PIBF1: variants seen among roughly 807,000 people sequenced by gnomAD.
The protein encoded by PIBF1 is progesterone-induced-blocking factor 1.
A neutral mutation model predicts 112.5 loss-of-function variants in PIBF1; 90 were observed. That is an observed-to-expected ratio of 0.80 (90% CI 0.67 to 0.95). The LOEUF is 0.95. Ranked by LOEUF, PIBF1 falls within the 40% of genes least tolerant of loss-of-function variation. The pLI, the probability that PIBF1 is intolerant of heterozygous loss-of-function variation, is 0.00. For synonymous variants in PIBF1, 301 were observed against 288.6 expected (o/e 1.04, Z -0.44); for missense variants, 915 against 852.3 (o/e 1.07, Z -0.92).
intron 14 of PIBF1, among the ~76,000 whole-genome samples, chr13:72,948,699 C>T (rs995577852): frequency 6.6e-6 from 1 of 152,214 alleles, no homozygotes; most frequent in African/African-American, 2.4e-5. Flanking sequence ...AATTGATTCA[C>T]AGATCCACAG....
intron 8 of PIBF1, among the ~76,000 whole-genome samples, chr13:72,828,772 G>A (rs2036954556): frequency 6.6e-6 from 1 of 152,196 alleles, no homozygotes; most frequent in African/African-American, 2.4e-5. Flanking sequence ...ATGTTAGAAT[G>A]ATTTATAATC....
chr13:72,867,779 G>A (rs9543150), intron 10 of PIBF1, among the ~76,000 whole-genome samples: 27,213 of 152,042 alleles, frequency 0.18, 3,138 homozygotes, highest in Non-Finnish European at 0.24. Context: ...GGAAAGTGTC[G>A]GTATTTTTTG....
At chr13:72,804,300 A>G (rs986230119) in intron 5 of PIBF1, among the ~76,000 whole-genome samples, 1 of 152,182 alleles carries the variant, frequency 6.6e-6, no homozygotes, top group Non-Finnish European at 1.5e-5. Context: ...ATTTATGTAT[A>G]ATTTATATGT....
intron 5 of PIBF1, among the ~76,000 whole-genome samples, chr13:72,807,178 CAA>C (rs35154761): frequency 2.6e-3 from 359 of 138,498 alleles, no homozygotes; most frequent in African/African-American, 8.9e-3. Context: ...GGATAAGAGC[CAA>C]AAAAAAAAAA....
At chr13:72,931,718 G>GTGTATA (rs1555317840) in intron 14 of PIBF1, among the ~76,000 whole-genome samples, 1 of 101,978 alleles carries the variant, frequency 9.8e-6, no homozygotes, top group Non-Finnish European at 2.0e-5. Context: ...TTTAAACTAC[G>GTGTATA]TATATATATA....
Position 72,906,284 on chromosome 13 carries a change from T to C in PIBF1, c.1489-2247T>C, listed in dbSNP as rs1034890897. ...CGTTGGCTTTATATATTTGTCTCTG[T>C]TTAAGGCAAAATTATAATTTTGTAT... is the stretch of plus-strand genomic sequence containing the variant. On this transcript the variant is annotated intron_variant, in intron 11 of 17. Coordinates refer to ENST00000326291, the MANE Select transcript of PIBF1 (RefSeq NM_006346.4). Among the ~76,000 whole-genome samples, 31 of 152,158 alleles carry C rather than the reference T, an allele frequency of 2.0e-4. 1 individual carries two copies. Among genetic ancestry groups the C allele is most frequent in the Non-Finnish European group, 1.5e-4 (10 of 68,008 alleles).
At chr13:72,956,743 C>A (rs924175547) in intron 14 of PIBF1, among the ~76,000 whole-genome samples, 6 of 152,108 alleles carry the variant, frequency 3.9e-5, no homozygotes, top group African/African-American at 1.4e-4. Context: ...GTTCTTACAC[C>A]TCAGGAGAGA....
At position 72,871,808 on chromosome 13, in the gene PIBF1, C is replaced by A. The variant is rs571181851; in HGVS notation, c.1322+17653C>A. Among the ~76,000 whole-genome samples the A allele has an allele frequency of 1.3e-3, 205 of 152,302 alleles. 1 individual carries two copies. Among genetic ancestry groups the A allele is most frequent in the African/African-American group, 4.7e-3 (197 of 41,560 alleles). On this transcript the variant is annotated intron_variant, in intron 10 of 17. Transcript: ENST00000326291. ...GTTGGAGTTTTTACTGCAAGCCCAA[C>A]TAATAACATAGTCATAATTTTATTT...
intron 10 of PIBF1, among the ~76,000 whole-genome samples, chr13:72,866,886 C>A (rs1473305900): frequency 6.6e-6 from 1 of 151,764 alleles, no homozygotes; most frequent in African/African-American, 2.4e-5. Context: ...ATTATATATC[C>A]CAGATGTATG....
Position 72,905,270 on chromosome 13 carries a change from G to A in PIBF1, c.1489-3261G>A, listed in dbSNP as rs539802024. 1.1e-3 allele frequency among the ~76,000 whole-genome samples: 169 copies of A among 151,996 alleles called. 1 individual carries two copies. The highest frequency in any genetic ancestry group is 3.4e-3 in the African/African-American group (139 of 41,440). ...TTTAGTGGAGACAGGGTTTCACCACGTTGGCCAGGGTGGTCTTGAACTGCT... is the reference window on the plus strand; with the variant it reads ...TTTAGTGGAGACAGGGTTTCACCACATTGGCCAGGGTGGTCTTGAACTGCT... On this transcript the variant is annotated intron_variant, in intron 11 of 17. Transcript: ENST00000326291.
intron 7 of PIBF1, among the ~76,000 whole-genome samples, 193 bp downstream of exon 7, chr13:72,827,311 C>T (rs763656583): frequency 4.6e-5 from 6 of 130,108 alleles, no homozygotes; most frequent in African/African-American, 8.9e-5. Context: ...TGCAGTGGTG[C>T]GATCTTGGCT....
intron 16 of PIBF1, among the ~76,000 whole-genome samples, chr13:72,984,489 T>A (rs1315862909): frequency 6.6e-6 from 1 of 152,218 alleles, no homozygotes; most frequent in Non-Finnish European, 1.5e-5. Flanking sequence ...GTGTTTAATA[T>A]TGATATATTA....
chr13:72,884,876 A>C (rs2039782636), intron 10 of PIBF1, among the ~76,000 whole-genome samples: 2 of 152,164 alleles, frequency 1.3e-5, no homozygotes, highest in East Asian at 3.8e-4. Context: ...TAATGAGAGA[A>C]ATAAGAGGTG....
intron 17 of PIBF1, among the ~76,000 whole-genome samples, chr13:72,999,453 A>C (rs950786448): frequency 2.6e-5 from 4 of 152,166 alleles, no homozygotes; most frequent in African/African-American, 9.6e-5. Context: ...GAGTAACATT[A>C]TTAAATATTC....
At chr13:72,803,232 T>G (rs1241009497) in intron 5 of PIBF1, among the ~76,000 whole-genome samples, 4 of 149,090 alleles carry the variant, frequency 2.7e-5, no homozygotes, top group Admixed American at 6.7e-5. Context: ...GAAGGCTTGT[T>G]TTTTTTTTGT....
At chr13:72,953,741 A>C (rs1329662361) in intron 14 of PIBF1, among the ~76,000 whole-genome samples, 1 of 152,120 alleles carries the variant, frequency 6.6e-6, no homozygotes, top group East Asian at 1.9e-4. Context: ...GTGCTGTGTT[A>C]TTCTGCCTTC....
At chr13:72,986,087 C>T (rs376145865) in intron 16 of PIBF1, among the ~76,000 whole-genome samples, 4 of 152,116 alleles carry the variant, frequency 2.6e-5, no homozygotes, top group South Asian at 4.2e-4. Context: ...CACTTGACCC[C>T]GGGACTTCAA....
chr13:72,882,198 A>G (rs1375836435), intron 10 of PIBF1, among the ~76,000 whole-genome samples: 1 of 152,224 alleles, frequency 6.6e-6, no homozygotes, highest in East Asian at 1.9e-4. Context: ...GGGAAAGGAC[A>G]GTCTCTTCTA....
intron 4 of PIBF1, among the ~76,000 whole-genome samples, chr13:72,797,189 A>G (rs1001007191): frequency 3.3e-5 from 5 of 152,144 alleles, no homozygotes; most frequent in African/African-American, 1.2e-4. Context: ...TAGGGACAGC[A>G]GTAAATAAAG....
Sources: gnomAD v4.1 joint callset for allele counts (sites outside exome capture counted in the v4.1 genomes callset) on GRCh38, gnomAD v4.1.1 for gene constraint, MANE v1.5 for transcripts, NCBI Gene and HGNC (gene_info 2026-07-23, HGNC 2026-07-21) for gene names.